PATJ: variants seen among roughly 807,000 people sequenced by gnomAD.
PATJ encodes the protein inaD-like protein.
PATJ carries 190 observed loss-of-function variants against 224.9 expected under a neutral mutation model. The observed-to-expected ratio is 0.84, with a 90% CI of 0.75 to 0.95. The LOEUF (loss-of-function observed/expected upper bound fraction) is 0.95, where lower values mean the gene tolerates loss of function less well. PATJ is among the 40% of genes least tolerant of loss of function. The pLI is 0.00. For synonymous variants in PATJ, 769 were observed against 820.3 expected (o/e 0.94, Z 1.07); for missense variants, 2,121 against 2,270.3 (o/e 0.93, Z 1.34).
chr1:62,057,005 T>C (rs953809585), intron 31 of PATJ, among the ~76,000 whole-genome samples: 7 of 152,082 alleles, frequency 4.6e-5, no homozygotes, highest in Non-Finnish European at 8.8e-5. Context: ...TTTTGTACTT[T>C]TAGTTGAGAC....
At chr1:61,808,330 T>C (rs578253803) in intron 13 of PATJ, 144 bp from the exon 14 acceptor site, 32 of 645,034 alleles carry the variant, frequency 5.0e-5, no homozygotes, top group Middle Eastern at 3.8e-4. Context: ...TTATGTGTTA[T>C]AGATTTCAAA....
At position 61,787,983 on chromosome 1, in the gene PATJ, A is replaced by G. The variant is rs780643624; in HGVS notation, c.1068+11A>G. The G allele has an allele frequency of 1.9e-6, 3 of 1,598,856 alleles. No individual in the cohort carries two copies. Among genetic ancestry groups the G allele is most frequent in the Non-Finnish European group, 1.7e-6 (2 of 1,168,092 alleles). On this transcript the variant is annotated intron_variant, in intron 8 of 43. Coordinates refer to ENST00000642238, the MANE Select transcript of PATJ (RefSeq NM_001350145.3). Reference sequence around the variant, plus strand: ...AAGGGCCCTGGTTCTGTGAGTATACATATCATTCTTTCATCTTAAACCAAA... The same window carrying G: ...AAGGGCCCTGGTTCTGTGAGTATACGTATCATTCTTTCATCTTAAACCAAA...
At chr1:62,048,651 GA>G (rs1429109714) in intron 30 of PATJ, among the ~76,000 whole-genome samples, 2 of 151,626 alleles carry the variant, frequency 1.3e-5, no homozygotes, top group African/African-American at 2.4e-5. Context: ...TATGCAAATG[GA>G]TATTTTACAT....
chr1:62,022,744 C>T (rs1266048737), intron 29 of PATJ, among the ~76,000 whole-genome samples: 1 of 152,130 alleles, frequency 6.6e-6, no homozygotes, highest in Non-Finnish European at 1.5e-5. Context: ...CTAAAGGAAA[C>T]GAGATGAAAC....
chr1:61,960,524 A>G (rs893771778), intron 27 of PATJ, among the ~76,000 whole-genome samples: 2 of 151,920 alleles, frequency 1.3e-5, no homozygotes, highest in Non-Finnish European at 2.9e-5. Context: ...TTAGCCAGGT[A>G]TGGTGGTGGG....
chr1:62,016,552 G>A (rs1646778593), intron 28 of PATJ, among the ~76,000 whole-genome samples: 1 of 152,176 alleles, frequency 6.6e-6, no homozygotes, highest in African/African-American at 2.4e-5. Context: ...AAAACTGTAT[G>A]AGCTGTTATC....
chr1:62,031,936 A>G (rs1003303663), intron 29 of PATJ, among the ~76,000 whole-genome samples: 1 of 152,158 alleles, frequency 6.6e-6, no homozygotes, highest in African/African-American at 2.4e-5. Flanking sequence ...TTCTAGTTAT[A>G]TTTCCGGTGA....
At chr1:61,803,127 A>G (rs554426035) in intron 12 of PATJ, among the ~76,000 whole-genome samples, 10 of 152,314 alleles carry the variant, frequency 6.6e-5, no homozygotes, top group Middle Eastern at 3.4e-3. Flanking sequence ...TATTTTTTCC[A>G]TAATGTTCAT....
intron 9 of PATJ, among the ~76,000 whole-genome samples, chr1:61,794,995 A>G (rs997994659): frequency 2.0e-5 from 3 of 152,024 alleles, no homozygotes; most frequent in Admixed American, 2.0e-4. Flanking sequence ...AAAACAAACA[A>G]AAAGATCATA....
intron 22 of PATJ, among the ~76,000 whole-genome samples, chr1:61,887,255 A>C (rs1241923086): frequency 1.3e-5 from 2 of 152,118 alleles, no homozygotes; most frequent in Non-Finnish European, 2.9e-5. Flanking sequence ...GTTTGATAGG[A>C]GGAAGCTCAC....
At chr1:62,008,241 C>G (rs1283846278) in intron 28 of PATJ, among the ~76,000 whole-genome samples, 1 of 152,080 alleles carries the variant, frequency 6.6e-6, no homozygotes, top group East Asian at 1.9e-4. Flanking sequence ...TGGCTGCCCA[C>G]CATAAAGGAT....
At chr1:62,116,408 AAAAAG>A (rs1664445106) in intron 35 of PATJ, 119 bp from the exon 36 acceptor site, 1 of 1,224,082 alleles carries the variant, frequency 8.2e-7, no homozygotes, top group Non-Finnish European at 1.1e-6. Context: ...TGAAAGAAAC[AAAAAG>A]AAAACAAAAC....
chr1:62,032,435 G>T (rs1490554629), intron 29 of PATJ, among the ~76,000 whole-genome samples: 1 of 152,198 alleles, frequency 6.6e-6, no homozygotes, highest in Admixed American at 6.5e-5. Context: ...GTATGATTAG[G>T]TCAGGTCCAA....
intron 24 of PATJ, among the ~76,000 whole-genome samples, chr1:61,902,894 TGA>T (rs758509191): frequency 2.0e-5 from 3 of 151,900 alleles, no homozygotes; most frequent in Non-Finnish European, 4.4e-5. Flanking sequence ...ATATAGGAAA[TGA>T]GAGAGTGAGC....
At chr1:61,855,944 G>C in intron 17 of PATJ, 86 bp from the exon 18 acceptor site, 1 of 904,790 alleles carries the variant, frequency 1.1e-6, no homozygotes, top group Non-Finnish European at 1.8e-6. Flanking sequence ...GGTCAAATAA[G>C]ATTCATCAGT....
chr1:61,957,609 G>A (rs1680619927), intron 27 of PATJ, among the ~76,000 whole-genome samples: 1 of 152,204 alleles, frequency 6.6e-6, no homozygotes, highest in East Asian at 1.9e-4. Context: ...ATAGGAAAGA[G>A]TAGAAGTTTT....
intron 17 of PATJ, among the ~76,000 whole-genome samples, chr1:61,841,643 A>G (rs1456292423): frequency 6.9e-6 from 1 of 145,220 alleles, no homozygotes; most frequent in East Asian, 2.0e-4. Flanking sequence ...TCACCCATAT[A>G]AGATATTGGT....
At chr1:61,939,317 TCA>T (rs60430174) in intron 27 of PATJ, among the ~76,000 whole-genome samples, 18,813 of 142,450 alleles carry the variant, frequency 0.13, 1,589 homozygotes, top group Admixed American at 0.21. Context: ...AACTTTGCAT[TCA>T]CACACACACA....
chr1:61,788,204 T>C (rs1448523280), intron 8 of PATJ, among the ~76,000 whole-genome samples: 1 of 152,138 alleles, frequency 6.6e-6, no homozygotes, highest in Non-Finnish European at 1.5e-5. Flanking sequence ...ATTTATAAAT[T>C]GAAGAATAAT....
Sources: gnomAD v4.1 joint callset for allele counts (sites outside exome capture counted in the v4.1 genomes callset) on GRCh38, gnomAD v4.1.1 for gene constraint, MANE v1.5 for transcripts, NCBI Gene and HGNC (gene_info 2026-07-23, HGNC 2026-07-21) for gene names.